The following PDE6C variants were observed in gnomAD, a reference collection of about 807,000 sequenced individuals.
PDE6C encodes the protein phosphodiesterase 6C.
PDE6C carries 75 observed loss-of-function variants against 113.1 expected under a neutral mutation model. That is an observed-to-expected ratio of 0.66 (90% CI 0.55 to 0.80). The LOEUF (loss-of-function observed/expected upper bound fraction) is 0.80, where lower values mean the gene tolerates loss of function less well. Ranked by LOEUF, PDE6C falls within the 30% of genes least tolerant of loss-of-function variation. PDE6C has a pLI of 0.00. For synonymous variants in PDE6C, 375 were observed against 363.7 expected, an observed-to-expected ratio of 1.03 and a Z score of -0.35; for missense variants, 912 against 1,038.6, an observed-to-expected ratio of 0.88 and a Z score of 1.67.
rs182110492 is a variant in PDE6C at position 93,661,317 on chromosome 10, C to T, written c.2209-742C>T. On this transcript the variant is annotated intron_variant, in intron 18 of 21. Coordinates refer to ENST00000371447, the MANE Select transcript of PDE6C (RefSeq NM_006204.4). ...AAGCTTTGTACGTTCCATTTTATCT[C>T]GGCAAATATTCTTCCCCTCCTCTTT... Among the ~76,000 whole-genome samples, 224 of 152,298 alleles carry T rather than the reference C, an allele frequency of 1.5e-3. 1 individual carries two copies. The highest frequency in any genetic ancestry group is 3.4e-3 in the Middle Eastern group (1 of 294).
At position 93,625,583 on chromosome 10, in the gene PDE6C, C is replaced by T. The variant is rs138970846; in HGVS notation, c.873C>T (p.Tyr291=). 59 of 1,611,500 alleles carry T rather than the reference C, an allele frequency of 3.7e-5. No individual in the cohort carries two copies. Among genetic ancestry groups the T allele is most frequent in the South Asian group, 1.4e-4 (13 of 91,028 alleles). ...LLDMTKEKEF[Y]DEWPIKLGEV... ...AATCTGATTGCCTCCAGGAATTCTACGATGAATGGCCAATCAAGCTTGGAG... is the reference window on the plus strand; with the variant it reads ...AATCTGATTGCCTCCAGGAATTCTATGATGAATGGCCAATCAAGCTTGGAG... Residue 291 remains tyrosine, a synonymous_variant, in exon 5 of 22, where the codon TAC becomes TAT. Transcript: ENST00000371447.
At chr10:93,636,392 GTGT>G (rs1274094132) in intron 10 of PDE6C, among the ~76,000 whole-genome samples, 1 of 149,696 alleles carries the variant, frequency 6.7e-6, no homozygotes, top group African/African-American at 2.5e-5. Context: ...GTGTGTGTGT[GTGT>G]GTGTGTGTGT....
chr10:93,618,914 G>T lies in PDE6C; in HGVS notation c.481-1718G>T, dbSNP rs566440955. Among the ~76,000 whole-genome samples the T allele has an allele frequency of 6.6e-5, 10 of 152,296 alleles. No individual in the cohort carries two copies. In the South Asian group the frequency reaches 1.7e-3, roughly 25 times the overall value. ...AGACAGAATCCAGTCTGCAAGGTTT[G>T]TGCTGCTTTTAGAAGCACTGCCAAC... On this transcript the variant is annotated intron_variant, in intron 1 of 21. Transcript: ENST00000371447.
intron 1 of PDE6C, among the ~76,000 whole-genome samples, chr10:93,620,043 A>G (rs191488635): frequency 8.9e-4 from 136 of 152,294 alleles, no homozygotes; most frequent in African/African-American, 3.1e-3. Flanking sequence ...CAATTAGAAA[A>G]GGAAATTTTA....
chr10:93,618,165 A>G lies in PDE6C; in HGVS notation c.481-2467A>G, dbSNP rs184839706. On this transcript the variant is annotated intron_variant, in intron 1 of 21. Transcript: ENST00000371447. Reference sequence around the variant, plus strand: ...ATTTCTTCAGTGATTTGAATTGGCTAGAAAAATTAAAACTAGAAGCAAAAT... The same window carrying G: ...ATTTCTTCAGTGATTTGAATTGGCTGGAAAAATTAAAACTAGAAGCAAAAT... Among the ~76,000 whole-genome samples, 23 of 152,308 alleles carry G rather than the reference A, an allele frequency of 1.5e-4. 1 individual carries two copies. The East Asian group carries it at 2.5e-3, about 17-fold the overall frequency.
At chr10:93,663,726 AT>A (rs368157230) in intron 21 of PDE6C, among the ~76,000 whole-genome samples, 1 of 151,810 alleles carries the variant, frequency 6.6e-6, no homozygotes, top group South Asian at 2.1e-4. Context: ...TTCCTGTGCC[AT>A]TTTTTTTCTG....
At chr10:93,635,196 T>G (rs1023458366) in intron 9 of PDE6C, among the ~76,000 whole-genome samples, 23 of 152,204 alleles carry the variant, frequency 1.5e-4, no homozygotes, top group African/African-American at 5.1e-4. Flanking sequence ...TCCTGTTCCC[T>G]CTCATTCTTA....
At position 93,655,628 on chromosome 10, in the gene PDE6C, A is replaced by G. The variant is rs1183867319; in HGVS notation, c.1936-132A>G. The G allele has an allele frequency of 2.1e-4, 117 of 544,940 alleles. No homozygotes were observed. The East Asian group carries it at 2.9e-3, about 13-fold the overall frequency. 33.8% of individuals were successfully genotyped at this position (544,940 alleles called of 1,614,324 possible). A position where few individuals can be genotyped will look rare whatever the true frequency, so the allele number is the denominator to read the frequency against. On this transcript the variant is annotated intron_variant, in intron 15 of 21. Coordinates refer to ENST00000371447, the MANE Select transcript of PDE6C (RefSeq NM_006204.4). ...AGCAAGCCAAAAAAAAAAAAAAAAA[A>G]GGAAGGAAAACAAAAAAAAAACAAA...
At chr10:93,648,220 T>C (rs1036773106) in intron 15 of PDE6C, among the ~76,000 whole-genome samples, 8 of 152,226 alleles carry the variant, frequency 5.3e-5, no homozygotes, top group African/African-American at 1.9e-4. Context: ...CTTTGATGGC[T>C]ATATAAAGAC....
At chr10:93,654,810 C>CTTTCTTTT (rs1554891606) in intron 15 of PDE6C, among the ~76,000 whole-genome samples, 1 of 77,116 alleles carries the variant, frequency 1.3e-5, no homozygotes, top group Non-Finnish European at 2.5e-5. Flanking sequence ...TTCTTTCTTT[C>CTTTCTTTT]TTTTTTTTTT....
rs1429041033 is a variant in PDE6C at position 93,639,918 on chromosome 10, C to T, written c.1483-152C>T. 6 of 788,484 alleles carry T rather than the reference C, an allele frequency of 7.6e-6. No homozygotes were observed. The African/African-American group carries it at 1.0e-4, about 13-fold the overall frequency. 48.8% of individuals were successfully genotyped at this position (788,484 alleles called of 1,614,324 possible). ...CTGCCGTTAGCATAATCTGTGCAAA[C>T]TGCATCATCCAGTGCCTGGCACATG... is the stretch of plus-strand genomic sequence containing the variant. On this transcript the variant is annotated intron_variant, in intron 11 of 21. Transcript: ENST00000371447.
chr10:93,615,146 G>A (rs2058414300), intron 1 of PDE6C, among the ~76,000 whole-genome samples: 1 of 152,108 alleles, frequency 6.6e-6, no homozygotes, highest in African/African-American at 2.4e-5. Context: ...ACAAAAATAA[G>A]CCAGGCATGG....
At chr10:93,648,767 A>G (rs1589702283) in intron 15 of PDE6C, among the ~76,000 whole-genome samples, 1 of 152,236 alleles carries the variant, frequency 6.6e-6, no homozygotes, top group Admixed American at 6.5e-5. Context: ...TTTTAATACT[A>G]GAATATACTG....
intron 4 of PDE6C, among the ~76,000 whole-genome samples, chr10:93,622,288 G>GT (rs57224307): frequency 0.16 from 24,321 of 149,068 alleles, 3,009 homozygotes; most frequent in African/African-American, 0.35. Flanking sequence ...CAGCAAGTCT[G>GT]TTTTTTTTTT....
At chr10:93,637,143 G>A (rs2058537528) in intron 11 of PDE6C, 80 bp downstream of exon 11, 1 of 749,442 alleles carries the variant, frequency 1.3e-6, no homozygotes, top group African/African-American at 1.7e-5. Flanking sequence ...ATGCTTTCTT[G>A]TTTTTCAAGT....
chr10:93,640,371 C>G, intron 12 of PDE6C, 79 bp from the exon 13 acceptor site: 1 of 1,285,056 alleles, frequency 7.8e-7, no homozygotes, highest in Non-Finnish European at 1.1e-6. Flanking sequence ...ACCAACACAT[C>G]TTTTTAGATA....
intron 1 of PDE6C, among the ~76,000 whole-genome samples, chr10:93,613,446 GTC>G (rs2058402786): frequency 6.6e-6 from 1 of 152,192 alleles, no homozygotes; most frequent in Admixed American, 6.5e-5. Context: ...GTATAAGTAT[GTC>G]CCATGTAAAG....
intron 15 of PDE6C, among the ~76,000 whole-genome samples, chr10:93,646,695 C>A (rs967709618): frequency 6.6e-6 from 1 of 152,054 alleles, no homozygotes; most frequent in Non-Finnish European, 1.5e-5. Flanking sequence ...TTTTAAATAA[C>A]CAGATCTCAT....
Position 93,656,679 on chromosome 10 carries a change from C to A in PDE6C, c.2036+819C>A, listed in dbSNP as rs190154868. On this transcript the variant is annotated intron_variant, in intron 16 of 21. Coordinates refer to ENST00000371447, the MANE Select transcript of PDE6C (RefSeq NM_006204.4). ...CGGCCTCCAAGGTTCAAGCGATTCTCCTGCCTCAGCCTCCTGAGTAGCTGG... is the reference window on the plus strand; with the variant it reads ...CGGCCTCCAAGGTTCAAGCGATTCTACTGCCTCAGCCTCCTGAGTAGCTGG... Among the ~76,000 whole-genome samples the A allele has an allele frequency of 6.6e-5, 10 of 152,040 alleles. No individual in the cohort carries two copies. The East Asian group carries it at 1.4e-3, about 21-fold the overall frequency.
Sources: allele counts gnomAD v4.1 joint callset (sites outside exome capture counted in the v4.1 genomes callset), GRCh38; gene constraint gnomAD v4.1.1; transcripts MANE v1.5; gene names NCBI Gene and HGNC (gene_info 2026-07-23, HGNC 2026-07-21).